Variants in CFAP299 observed in about 807,000 individuals in gnomAD.
CFAP299 encodes cilia and flagella associated protein 299.
CFAP299 carries 21 observed loss-of-function variants against 27.0 expected under a neutral mutation model. That is an observed-to-expected ratio of 0.78 (90% confidence interval 0.55 to 1.12). The LOEUF (loss-of-function observed/expected upper bound fraction) is 1.12, where lower values mean the gene tolerates loss of function less well. Among genes scored for constraint, CFAP299 ranks in the 50% most tolerant of loss-of-function variants. CFAP299 has a pLI of 0.00. For synonymous variants in CFAP299, 104 were observed against 98.1 expected, an observed-to-expected ratio of 1.06 and a Z score of -0.36; for missense variants, 310 against 276.6, an observed-to-expected ratio of 1.12 and a Z score of -0.86.
At chr4:80,424,503 C>G (rs891498625) in intron 2 of CFAP299, among the ~76,000 whole-genome samples, 2 of 152,128 alleles carry the variant, frequency 1.3e-5, no homozygotes, top group African/African-American at 4.8e-5. Context: ...GGCAGCTTCT[C>G]AAAGATGATG....
chr4:80,477,167 A>C (rs1180215851), intron 2 of CFAP299, among the ~76,000 whole-genome samples: 1 of 152,106 alleles, frequency 6.6e-6, no homozygotes, highest in South Asian at 2.1e-4. Flanking sequence ...AGCTCAAGCG[A>C]TTCTCCCACC....
intron 3 of CFAP299, among the ~76,000 whole-genome samples, chr4:80,856,783 A>G (rs571142148): frequency 2.6e-5 from 4 of 152,080 alleles, no homozygotes; most frequent in Admixed American, 2.0e-4. Flanking sequence ...TGGTACCAGT[A>G]CCATGCTGTT....
chr4:80,842,060 C>T (rs1489296370), intron 3 of CFAP299, among the ~76,000 whole-genome samples: 1 of 152,028 alleles, frequency 6.6e-6, no homozygotes, highest in African/African-American at 2.4e-5. Flanking sequence ...CGCTTCTCCT[C>T]CTTGAGTGTA....
chr4:80,569,031 C>T (rs1043132045), intron 2 of CFAP299, among the ~76,000 whole-genome samples: 6 of 152,094 alleles, frequency 3.9e-5, no homozygotes, highest in African/African-American at 1.4e-4. Flanking sequence ...ATCAGGTAGC[C>T]AGCCAGCTAA....
chr4:80,929,967 G>A (rs1736528284), intron 4 of CFAP299, among the ~76,000 whole-genome samples: 1 of 152,092 alleles, frequency 6.6e-6, no homozygotes, highest in Admixed American at 6.6e-5. Flanking sequence ...TCAAAGTGAT[G>A]TCTTTCTGTA....
intron 3 of CFAP299, among the ~76,000 whole-genome samples, chr4:80,841,817 C>A (rs973813261): frequency 6.6e-6 from 1 of 152,046 alleles, no homozygotes. Flanking sequence ...TGACCAAAAA[C>A]ACTCAAAATA....
chr4:80,388,237 AGGTCGCGGGCCCTAGGGCATG>A (rs1725127374), intron 2 of CFAP299: 1 of 693,656 alleles, frequency 1.4e-6, no homozygotes, highest in Admixed American at 1.9e-5. Context: ...TGCTCTGCAC[AGGTCGCGGGCCCTAGGGCATG>A]GGCTGGTCCA....
chr4:80,493,585 G>C (rs576504891), intron 2 of CFAP299, among the ~76,000 whole-genome samples: 54 of 152,150 alleles, frequency 3.5e-4, no homozygotes, highest in Middle Eastern at 3.4e-3. Context: ...GTTGCTTTAT[G>C]AGGAAGTTAA....
chr4:80,950,088 T>C (rs1737693117), intron 5 of CFAP299, among the ~76,000 whole-genome samples: 1 of 152,122 alleles, frequency 6.6e-6, no homozygotes, highest in African/African-American at 2.4e-5. Context: ...TGTATATCTA[T>C]CTAGAAAAGT....
At chr4:80,860,985 T>G (rs1237575279) in intron 3 of CFAP299, among the ~76,000 whole-genome samples, 2 of 152,190 alleles carry the variant, frequency 1.3e-5, no homozygotes, top group Non-Finnish European at 2.9e-5. Context: ...ACTGCTATCT[T>G]TTTGTTTGTC....
chr4:80,941,874 A>G (rs1737213182), intron 4 of CFAP299, among the ~76,000 whole-genome samples: 2 of 152,274 alleles, frequency 1.3e-5, no homozygotes, highest in African/African-American at 2.4e-5. Flanking sequence ...AGATCTCACA[A>G]GAGCTCAGTC....
intron 3 of CFAP299, among the ~76,000 whole-genome samples, chr4:80,821,410 C>T (rs1168930952): frequency 2.0e-5 from 3 of 152,136 alleles, no homozygotes; most frequent in African/African-American, 7.2e-5. Context: ...GTAACCCCCA[C>T]CTCCCTCATT....
At position 80,938,043 on chromosome 4, in the gene CFAP299, TATC is replaced by T. The variant is rs558472842; in HGVS notation, c.477-6764_477-6762del. 9.1e-4 allele frequency among the ~76,000 whole-genome samples: 138 copies of T among 152,346 alleles called. 1 individual carries two copies. Among genetic ancestry groups the T allele is most frequent in the African/African-American group, 3.2e-3 (131 of 41,580 alleles). ...TTCTCCCTCTATTTTATGTAATTGA[TATC>T]ATGTCCCTATTTACACCTGTTTATG... On this transcript the variant is annotated intron_variant, in intron 4 of 5. Transcript: ENST00000358105.
intron 4 of CFAP299, among the ~76,000 whole-genome samples, chr4:80,907,722 A>G (rs1306208861): frequency 1.3e-5 from 2 of 152,160 alleles, no homozygotes; most frequent in African/African-American, 2.4e-5. Flanking sequence ...CCATGATGCA[A>G]TTACCTCCTA....
At chr4:80,447,142 T>C (rs1277353455) in intron 2 of CFAP299, among the ~76,000 whole-genome samples, 34 of 119,530 alleles carry the variant, frequency 2.8e-4, no homozygotes, top group Non-Finnish European at 5.4e-4. Flanking sequence ...TTTTTTTTTT[T>C]TTTTTTTTTT....
At chr4:80,799,812 T>TATATATATATCATATA (rs1553893124) in intron 3 of CFAP299, among the ~76,000 whole-genome samples, 1 of 36,114 alleles carries the variant, frequency 2.8e-5, no homozygotes, top group African/African-American at 1.3e-4. Context: ...AATATATAAA[T>TATATATATATCATATA]ATATATATTA....
chr4:80,534,797 T>C (rs1244753239), intron 2 of CFAP299, among the ~76,000 whole-genome samples: 1 of 152,182 alleles, frequency 6.6e-6, no homozygotes, highest in Non-Finnish European at 1.5e-5. Context: ...TGAGATATTA[T>C]AATGGCATCA....
intron 2 of CFAP299, among the ~76,000 whole-genome samples, chr4:80,482,649 A>G (rs926433122): frequency 2.0e-5 from 3 of 152,158 alleles, no homozygotes; most frequent in Admixed American, 2.0e-4. Flanking sequence ...AGGACTTACT[A>G]TACTAAGTCA....
chr4:80,706,386 AAT>A (rs1721821235), intron 3 of CFAP299, among the ~76,000 whole-genome samples: 1 of 151,820 alleles, frequency 6.6e-6, no homozygotes. Flanking sequence ...ATCCAGCTAG[AAT>A]AAACTTCAAA....
Sources: gnomAD v4.1 joint callset for allele counts (sites outside exome capture counted in the v4.1 genomes callset) on GRCh38, gnomAD v4.1.1 for gene constraint, MANE v1.5 for transcripts, NCBI Gene and HGNC (gene_info 2026-07-23, HGNC 2026-07-21) for gene names.